The following PPM1L variants were observed in gnomAD, a reference collection of about 807,000 sequenced individuals.
PPM1L encodes the protein protein phosphatase, Mg2+/Mn2+ dependent 1L.
Under a neutral mutation model 31.4 loss-of-function variants are expected in PPM1L, and 13 were observed. That is an observed-to-expected ratio of 0.41 (90% CI 0.27 to 0.66). PPM1L has a LOEUF of 0.66. Ranked by LOEUF, PPM1L falls within the 30% of genes least tolerant of loss-of-function variation. The probability of loss-of-function intolerance (pLI) is 0.29; values close to 1 mark genes in which losing one functional copy is unlikely to be tolerated. For synonymous variants in PPM1L, 184 were observed against 175.4 expected, an observed-to-expected ratio of 1.05 and a Z score of -0.39; for missense variants, 326 against 453.7, an observed-to-expected ratio of 0.72 and a Z score of 2.56.
intron 1 of PPM1L, among the ~76,000 whole-genome samples, chr3:160,932,763 G>A (rs1376185072): frequency 6.6e-6 from 1 of 152,048 alleles, no homozygotes; most frequent in Admixed American, 6.6e-5. Context: ...TATTCCAGGA[G>A]GTCATGTATA....
At chr3:160,998,800 G>A (rs1320428709) in intron 2 of PPM1L, among the ~76,000 whole-genome samples, 1 of 152,148 alleles carries the variant, frequency 6.6e-6, no homozygotes, top group Non-Finnish European at 1.5e-5. Flanking sequence ...TGTGGAAAAT[G>A]ATATGATCCT....
At chr3:160,979,397 G>T (rs181065747) in intron 2 of PPM1L, among the ~76,000 whole-genome samples, 360 of 152,092 alleles carry the variant, frequency 2.4e-3, no homozygotes, top group African/African-American at 8.4e-3. Context: ...ATGTAGACAT[G>T]CCAGTTCATC....
chr3:160,774,405 C>T (rs1711509573), intron 1 of PPM1L, among the ~76,000 whole-genome samples: 1 of 152,178 alleles, frequency 6.6e-6, no homozygotes, highest in South Asian at 2.1e-4. Context: ...CACTTTGTCT[C>T]TGGCATCTCT....
chr3:161,051,076 T>G (rs909841454), intron 2 of PPM1L, among the ~76,000 whole-genome samples: 5 of 152,046 alleles, frequency 3.3e-5, no homozygotes, highest in Non-Finnish European at 7.4e-5. Flanking sequence ...TAAGAGAGAG[T>G]TGAGGTCTCA....
intron 1 of PPM1L, among the ~76,000 whole-genome samples, chr3:160,942,833 A>G (rs1399990017): frequency 6.6e-6 from 1 of 152,176 alleles, no homozygotes; most frequent in Non-Finnish European, 1.5e-5. Flanking sequence ...TGCCATTTTG[A>G]TGGATTTTCT....
intron 1 of PPM1L, among the ~76,000 whole-genome samples, chr3:160,957,366 G>A (rs183206645): frequency 6.6e-6 from 1 of 152,264 alleles, no homozygotes; most frequent in Non-Finnish European, 1.5e-5. Flanking sequence ...ATGAGCATAT[G>A]CGAGCATGTG....
intron 1 of PPM1L, among the ~76,000 whole-genome samples, chr3:160,902,552 A>G (rs1167295090): frequency 6.6e-6 from 1 of 152,172 alleles, no homozygotes; most frequent in Non-Finnish European, 1.5e-5. Context: ...GAGAGCTTTA[A>G]AGGTATTGTT....
At chr3:160,947,565 T>C (rs1715449254) in intron 1 of PPM1L, among the ~76,000 whole-genome samples, 1 of 152,116 alleles carries the variant, frequency 6.6e-6, no homozygotes, top group South Asian at 2.1e-4. Context: ...CTTTGTTTTA[T>C]CTCATCAAAG....
At chr3:160,910,038 T>G (rs1315032466) in intron 1 of PPM1L, among the ~76,000 whole-genome samples, 2 of 152,196 alleles carry the variant, frequency 1.3e-5, no homozygotes, top group Non-Finnish European at 2.9e-5. Context: ...GAATATTAAC[T>G]ATTTACTCTT....
intron 1 of PPM1L, among the ~76,000 whole-genome samples, chr3:160,853,719 A>C (rs1214256197): frequency 1.3e-5 from 2 of 152,182 alleles, no homozygotes; most frequent in African/African-American, 4.8e-5. Flanking sequence ...TTTGGGGTTG[A>C]AATTTTATCA....
In PPM1L at chr3:160,764,154, C is replaced by A. The variant is rs192671992; in HGVS notation, c.399+7447C>A. ...TTTCTTTTTTAGGGGGTGGGGTGGG[C>A]AGGATCTGGCTTTGTTGCTGAGGCT... On this transcript the variant is annotated intron_variant, in intron 1 of 3. Coordinates refer to ENST00000498165, the MANE Select transcript of PPM1L (RefSeq NM_139245.4). Among the ~76,000 whole-genome samples the A allele has an allele frequency of 4.8e-4, 73 of 151,960 alleles. No homozygotes were observed. The East Asian group carries it at 0.014, about 29-fold the overall frequency.
Position 161,077,698 on chromosome 3 carries a change from A to C in PPM1L, c.*8541A>C, listed in dbSNP as rs1720149629. On this transcript the variant is annotated 3_prime_UTR_variant, in exon 4 of 4. Coordinates refer to ENST00000498165, the MANE Select transcript of PPM1L (RefSeq NM_139245.4). ...TTTCCTGATTTCAAATATGAACAGA[A>C]GACTAAATGTCATTTTTTTAAATCA... 1 of 152,224 alleles carries C rather than the reference A, an allele frequency of 6.6e-6. No homozygotes were observed. The highest frequency in any genetic ancestry group is 2.1e-4 in the South Asian group (1 of 4,838). 9.4% of individuals were successfully genotyped at this position (152,224 alleles called of 1,614,324 possible). A position where few individuals can be genotyped will look rare whatever the true frequency, so the allele number is the denominator to read the frequency against.
At chr3:160,801,577 C>T (rs1382625799) in intron 1 of PPM1L, among the ~76,000 whole-genome samples, 1 of 152,194 alleles carries the variant, frequency 6.6e-6, no homozygotes. Context: ...AGCTCTTGTG[C>T]TGATGTGATG....
At chr3:160,980,986 A>C (rs1204071115) in intron 2 of PPM1L, among the ~76,000 whole-genome samples, 1 of 152,134 alleles carries the variant, frequency 6.6e-6, no homozygotes, top group African/African-American at 2.4e-5. Context: ...AGGATTACCT[A>C]TTATTATACT....
At chr3:160,808,776 C>G (rs985676047) in intron 1 of PPM1L, among the ~76,000 whole-genome samples, 1 of 152,198 alleles carries the variant, frequency 6.6e-6, no homozygotes, top group Non-Finnish European at 1.5e-5. Context: ...AGCTGGATCT[C>G]TCTTCACAGC....
chr3:160,813,283 A>T (rs1392969073), intron 1 of PPM1L, among the ~76,000 whole-genome samples: 2 of 151,894 alleles, frequency 1.3e-5, no homozygotes, highest in African/African-American at 2.4e-5. Flanking sequence ...TTAAGTTTTA[A>T]TTTTTTTTCT....
intron 1 of PPM1L, among the ~76,000 whole-genome samples, chr3:160,944,710 A>AATATAT (rs536695464): frequency 7.7e-6 from 1 of 129,226 alleles, no homozygotes; most frequent in Admixed American, 9.1e-5. Context: ...TTTTATATAT[A>AATATAT]ATATATATGT....
intron 1 of PPM1L, among the ~76,000 whole-genome samples, chr3:160,783,279 A>G (rs1711800655): frequency 6.6e-6 from 1 of 152,220 alleles, no homozygotes; most frequent in East Asian, 1.9e-4. Context: ...GAAAAGAATG[A>G]CATTTATCAT....
intron 1 of PPM1L, among the ~76,000 whole-genome samples, chr3:160,878,654 A>G (rs1712598557): frequency 6.6e-6 from 1 of 152,206 alleles, no homozygotes; most frequent in Admixed American, 6.5e-5. Context: ...GGGGCGACAC[A>G]AACATTCAGT....
Sources: allele counts gnomAD v4.1 joint callset (sites outside exome capture counted in the v4.1 genomes callset), GRCh38; gene constraint gnomAD v4.1.1; transcripts MANE v1.5; gene names NCBI Gene and HGNC (gene_info 2026-07-23, HGNC 2026-07-21).